The following ERFE variants were observed in gnomAD, a reference collection of about 807,000 sequenced individuals.
ERFE encodes complement C1q tumor necrosis factor-related protein 15.
In ERFE, 25 loss-of-function variants were observed where a neutral mutation model predicts 26.6. The observed-to-expected ratio is 0.94, with a 90% CI of 0.69 to 1.31. The LOEUF (loss-of-function observed/expected upper bound fraction) is 1.31, where lower values mean the gene tolerates loss of function less well. Among genes scored for constraint, ERFE ranks in the 40% most tolerant of loss-of-function variants. The pLI is 0.00. For missense variants in ERFE, 447 were observed against 440.2 expected (o/e 1.02, Z -0.14); for synonymous variants, 206 against 204.5 (o/e 1.01, Z -0.06).
Position 238,164,275 on chromosome 2 carries a change from G to C in ERFE, c.802G>C (p.Gly268Arg), listed in dbSNP as rs139530631. The change falls in exon 6 of 8, where the codon GGG becomes CGG. Residue 268 changes from glycine to arginine, a missense_variant. By Grantham distance (125) the Gly-to-Arg change is moderately radical. Coordinates refer to ENST00000546354, the MANE Select transcript of ERFE (RefSeq NM_001291832.2). ...ALAATLHVAL[G>R]EPPRRGPPRP... ...CGTCCCACCCTCCCCCGCAGCGCTC[G>C]GGGAGCCGCCGAGGAGGGGGCCGCC... 21 of 1,503,084 alleles carry C rather than the reference G, an allele frequency of 1.4e-5. No homozygotes were observed. The highest frequency in any genetic ancestry group is 3.7e-5 in the South Asian group (3 of 81,002). 93.1% of individuals were successfully genotyped at this position (1,503,084 alleles called of 1,614,324 possible).
At chr2:238,162,497 G>A (rs1478013428) in intron 2 of ERFE, among the ~76,000 whole-genome samples, 1 of 152,248 alleles carries the variant, frequency 6.6e-6, no homozygotes, top group Non-Finnish European at 1.5e-5. Context: ...TCAGCCCTCT[G>A]CCTCCCCACT....
At position 238,164,380 on chromosome 2, in the gene ERFE, G is replaced by T. The variant is rs775800811; in HGVS notation, c.887+20G>T. On this transcript the variant is annotated intron_variant, in intron 6 of 7. Coordinates refer to ENST00000546354, the MANE Select transcript of ERFE (RefSeq NM_001291832.2). The stretch of plus-strand genomic sequence containing the variant: ...CAACGCGTGAGTGTACCCCGGCCCG[G>T]ACCCCACACCCGCATTCGCTCGGCC... The T allele has an allele frequency of 8.1e-4, 1,242 of 1,542,000 alleles. No homozygotes were observed. The highest frequency in any genetic ancestry group is 1.0e-3 in the Non-Finnish European group (1,173 of 1,144,752).
At position 238,167,920 on chromosome 2, in the gene ERFE, G is replaced by GTCTT. The variant is rs1322274632; in HGVS notation, c.*868_*871dup. 1 of 194,770 alleles carries GTCTT rather than the reference G, an allele frequency of 5.1e-6. No homozygotes were observed. The highest frequency in any genetic ancestry group is 2.3e-5 in the African/African-American group (1 of 42,612). The allele number at this position is 194,770 out of a possible 1,614,324, so 12.1% of individuals were successfully genotyped here. Reference sequence around the variant, plus strand: ...ACCCACCAGAGGAAAGATCTAGAACGTCTTTACAGATTGGAGACAGCCGGG... The same window carrying GTCTT: ...ACCCACCAGAGGAAAGATCTAGAACGTCTTTCTTTACAGATTGGAGACAGCCGGG... On this transcript the variant is annotated 3_prime_UTR_variant, in exon 8 of 8. Transcript: ENST00000546354.
In ERFE at chr2:238,161,642, A is replaced by G; in HGVS notation, c.247A>G (p.Met83Val). 6.5e-7 allele frequency: 1 copy of G among 1,547,244 alleles called. No homozygotes were observed. Among genetic ancestry groups the G allele is most frequent in the Non-Finnish European group, 8.7e-7 (1 of 1,144,352 alleles). ...AHSVDPRDAW[M>V]LFVRQSDKGV... The stretch of plus-strand genomic sequence containing the variant: ...CAGCGTCGACCCCCGGGACGCCTGG[A>G]TGCTCTTCGTCAGGCAGAGTGACAA... Residue 83 changes from methionine (M) to valine (V), a missense_variant, in exon 2 of 8, where the codon ATG (methionine) becomes GTG (valine). Physicochemically the swap from Met to Val is conservative, Grantham distance 21. Transcript: ENST00000546354.
rs949406079 is a variant in ERFE at position 238,160,762 on chromosome 2, C to A, written c.199-832C>A. On this transcript the variant is annotated intron_variant, in intron 1 of 7. Transcript: ENST00000546354. ...AAAAGGGCCCAGTCAGCTCTAAAAT[C>A]CCAGGGTCCTTCCGTCAGCCCCCAG... is the stretch of plus-strand genomic sequence containing the variant. Among the ~76,000 whole-genome samples, 5 of 152,198 alleles carry A rather than the reference C, an allele frequency of 3.3e-5. No individual in the cohort carries two copies. In the South Asian group the frequency reaches 8.3e-4, roughly 25 times the overall value.
chr2:238,164,698 C>CA lies in ERFE; in HGVS notation c.887+344dup, dbSNP rs1440012864. Reference sequence around the variant, plus strand: ...TGAAACCCCGTCTCTACTAAAAATACAAAAAATTACCCGGGCGTGGTGGGT... The same window carrying CA: ...TGAAACCCCGTCTCTACTAAAAATACAAAAAAATTACCCGGGCGTGGTGGGT... On this transcript the variant is annotated intron_variant, in intron 6 of 7. Coordinates refer to ENST00000546354, the MANE Select transcript of ERFE (RefSeq NM_001291832.2). 3 of 293,680 alleles carry CA rather than the reference C, an allele frequency of 1.0e-5. No homozygotes were observed. The East Asian group carries it at 3.2e-4, about 31-fold the overall frequency. 18.2% of individuals were successfully genotyped at this position (293,680 alleles called of 1,614,324 possible). A position where few individuals can be genotyped will look rare whatever the true frequency, so the allele number is the denominator to read the frequency against.
At chr2:238,159,919 CAGGGGCAGT>C (rs1258067068) in intron 1 of ERFE, among the ~76,000 whole-genome samples, 2 of 152,194 alleles carry the variant, frequency 1.3e-5, no homozygotes, top group Non-Finnish European at 2.9e-5. Context: ...TGAAGATGCT[CAGGGGCAGT>C]AGAGGGGAGA....
rs891517365 is a variant in ERFE, at chr2:238,163,988, G to C, written c.676G>C (p.Val226Leu). The change falls in exon 4 of 8, where the codon GTC (valine) becomes CTC (leucine). Residue 226 changes from valine to leucine, a missense_variant. By Grantham distance (32) the Val-to-Leu change is conservative. Transcript: ENST00000546354. Reference protein sequence around the residue: ...VERRALHELGVYYLPDAEGAF... With the variant: ...VERRALHELGLYYLPDAEGAF... ...GCGGCGCGCGCTGCACGAGCTTGGC[G>C]TCTACTACCTGGTGAGTGCCGGCGC... 24 of 1,389,730 alleles carry C rather than the reference G, an allele frequency of 1.7e-5. No homozygotes were observed. In the East Asian group the frequency reaches 7.1e-4, roughly 41 times the overall value. 86.1% of individuals were successfully genotyped at this position (1,389,730 alleles called of 1,614,324 possible). A position where few individuals can be genotyped will look rare whatever the true frequency, so the allele number is the denominator to read the frequency against.
intron 1 of ERFE, 58 bp downstream of exon 1, chr2:238,159,263 C>T: frequency 5.3e-6 from 1 of 190,138 alleles, no homozygotes; most frequent in East Asian, 1.3e-4. Context: ...CGGCTCGGGG[C>T]GGCGGGAGGC....
chr2:238,168,531 G>A lies in ERFE; in HGVS notation c.*1477G>A, dbSNP rs1693086562. The A allele has an allele frequency of 2.2e-6, 1 of 452,650 alleles. No individual in the cohort carries two copies. The highest frequency in any genetic ancestry group is 2.0e-5 in the African/African-American group (1 of 49,270). The allele number at this position is 452,650 out of a possible 1,614,324, so 28.0% of individuals were successfully genotyped here. The stretch of plus-strand genomic sequence containing the variant: ...GCCACCAGGCCCGAATGATCCCCAG[G>A]AGCCCAGCTTCCAAACCCCAACATC... On this transcript the variant is annotated 3_prime_UTR_variant, in exon 8 of 8. Transcript: ENST00000546354.
chr2:238,164,042 G>T (rs568743268), intron 4 of ERFE, 33 bp from the exon 5 acceptor site: 2 of 1,380,584 alleles, frequency 1.4e-6, no homozygotes, highest in Admixed American at 3.6e-5. Context: ...CCGGCCGGGC[G>T]GGAGCCGGGG....
At chr2:238,162,586 G>A (rs2106319648) in intron 2 of ERFE, 150 bp from the exon 3 acceptor site, 1 of 665,644 alleles carries the variant, frequency 1.5e-6, no homozygotes, top group Middle Eastern at 3.2e-4. Flanking sequence ...CACTCCAGGA[G>A]AAGCTTTCAC....
intron 6 of ERFE, 104 bp downstream of exon 6, chr2:238,164,464 C>T (rs1692999892): frequency 1.7e-6 from 2 of 1,187,120 alleles, no homozygotes; most frequent in Non-Finnish European, 2.4e-6. Context: ...GTTCACACCC[C>T]ACCGTGGCCT....
Position 238,162,795 on chromosome 2 carries a change from C to A in ERFE, c.381C>A (p.Ile127=). 3.2e-6 allele frequency: 5 copies of A among 1,550,442 alleles called. No homozygotes were observed. Among genetic ancestry groups the A allele is most frequent in the Non-Finnish European group, 4.4e-6 (5 of 1,146,918 alleles). ...PGPQGPPGPI[I]PPEALLKEFQ... ...CCCAGGGCCCCCCAGGCCCCATCAT[C>A]CCACCCGAGGCGCTGCTGAAGGAGT... Residue 127 remains isoleucine (I), a synonymous_variant, in exon 3 of 8, where the codon ATC becomes ATA. Transcript: ENST00000546354.
Position 238,163,775 on chromosome 2 carries a change from T to C in ERFE, c.463T>C (p.Cys155Arg). The C allele has an allele frequency of 7.3e-7, 1 of 1,364,232 alleles. No individual in the cohort carries two copies. Among genetic ancestry groups the C allele is most frequent in the South Asian group, 1.8e-5 (1 of 56,734 alleles). 84.5% of individuals were successfully genotyped at this position (1,364,232 alleles called of 1,614,324 possible). A position where few individuals can be genotyped will look rare whatever the true frequency, so the allele number is the denominator to read the frequency against. ...GCGGGAGCGCGCGGAGCCCGAACCC[T>C]GTACGTGTGGCCCCGCCGGGCCGGT... ...RQRERAEPEP[C>R]TCGPAGPVAA... The change falls in exon 4 of 8, where the codon TGT (cysteine) becomes CGT (arginine). Residue 155 changes from cysteine to arginine, a missense_variant. Coordinates refer to ENST00000546354, the MANE Select transcript of ERFE (RefSeq NM_001291832.2).
chr2:238,168,384 T>C lies in ERFE; in HGVS notation c.*1330T>C, dbSNP rs1436685468. The C allele has an allele frequency of 2.1e-6, 1 of 470,936 alleles. No individual in the cohort carries two copies. Among genetic ancestry groups the C allele is most frequent in the East Asian group, 6.9e-5 (1 of 14,410 alleles). 29.2% of individuals were successfully genotyped at this position (470,936 alleles called of 1,614,324 possible). A position where few individuals can be genotyped will look rare whatever the true frequency, so the allele number is the denominator to read the frequency against. ...CCCACACAACAGGCTACGAAGAACC[T>C]GGTGCCTCAGGACCTCCTGGGAGCC... On this transcript the variant is annotated 3_prime_UTR_variant, in exon 8 of 8. Coordinates refer to ENST00000546354, the MANE Select transcript of ERFE (RefSeq NM_001291832.2).
At chr2:238,164,416 G>T in intron 6 of ERFE, 56 bp downstream of exon 6, 1 of 1,512,168 alleles carries the variant, frequency 6.6e-7, no homozygotes, top group Non-Finnish European at 8.9e-7. Context: ...TCCACAAGCT[G>T]GAGGTGGTTA....
At position 238,161,746 on chromosome 2, in the gene ERFE, C is replaced by T. The variant is rs978058906; in HGVS notation, c.321+30C>T. ...GGCCGGCATCCCGTCAGTGCCAGGC[C>T]GTGGGGGGTTCCGCCTCCTCGCTCC... On this transcript the variant is annotated intron_variant, in intron 2 of 7. Coordinates refer to ENST00000546354, the MANE Select transcript of ERFE (RefSeq NM_001291832.2). 29 of 1,522,030 alleles carry T rather than the reference C, an allele frequency of 1.9e-5. No homozygotes were observed. In the Admixed American group the frequency reaches 2.6e-4, roughly 14 times the overall value. The allele number at this position is 1,522,030 out of a possible 1,614,324, so 94.3% of individuals were successfully genotyped here.
chr2:238,168,480 C>A lies in ERFE; in HGVS notation c.*1426C>A, dbSNP rs779590804. ...ATGGCCAGTCACCTTCACCTTCTAA[C>A]TAACTAGCCTCCGGATGAGGTGGCT... is the stretch of plus-strand genomic sequence containing the variant. On this transcript the variant is annotated 3_prime_UTR_variant, in exon 8 of 8. Transcript: ENST00000546354. 1.5e-5 allele frequency: 7 copies of A among 470,774 alleles called. No individual in the cohort carries two copies. In the Admixed American group the frequency reaches 1.6e-4, roughly 11 times the overall value. The allele number at this position is 470,774 out of a possible 1,614,324, so 29.2% of individuals were successfully genotyped here.
Sources: allele counts gnomAD v4.1 joint callset (sites outside exome capture counted in the v4.1 genomes callset), GRCh38; gene constraint gnomAD v4.1.1; transcripts MANE v1.5; gene names NCBI Gene and HGNC (gene_info 2026-07-23, HGNC 2026-07-21).